ADAMTS9: variants seen among roughly 807,000 people sequenced by gnomAD.
ADAMTS9 encodes the protein ADAM metallopeptidase with thrombospondin type 1 motif 9, also known as A disintegrin and metalloproteinase with thrombospondin motifs 9.
In ADAMTS9, 107 loss-of-function variants were observed where a neutral mutation model predicts 257.1. That is an observed-to-expected ratio of 0.42 (90% CI 0.36 to 0.49). The LOEUF (loss-of-function observed/expected upper bound fraction) is 0.49, where lower values mean the gene tolerates loss of function less well. ADAMTS9 is among the 20% of genes least tolerant of loss of function. The pLI is 0.03. For synonymous variants in ADAMTS9, 982 were observed against 880.9 expected (o/e 1.11, Z -2.03); for missense variants, 2,353 against 2,469.1 (o/e 0.95, Z 1.00).
At chr3:64,650,936 C>T (rs2106946431) in intron 9 of ADAMTS9, 81 bp downstream of exon 9, 2 of 1,285,794 alleles carry the variant, frequency 1.6e-6, no homozygotes, top group Non-Finnish European at 2.1e-6. Context: ...TGTTTGACTT[C>T]ATATTGTCTT....
At chr3:64,557,965 C>A (rs1318502938) in intron 30 of ADAMTS9, among the ~76,000 whole-genome samples, 1 of 152,176 alleles carries the variant, frequency 6.6e-6, no homozygotes, top group Non-Finnish European at 1.5e-5. Context: ...ATGGGCTTCA[C>A]AATGAACAGG....
intron 28 of ADAMTS9, among the ~76,000 whole-genome samples, chr3:64,585,239 C>A (rs922674119): frequency 6.6e-6 from 1 of 152,136 alleles, no homozygotes; most frequent in African/African-American, 2.4e-5. Context: ...AAAAAGGAAG[C>A]AAACACAGTC....
intron 16 of ADAMTS9, among the ~76,000 whole-genome samples, chr3:64,623,764 A>G (rs1187975748): frequency 6.6e-6 from 1 of 152,208 alleles, no homozygotes; most frequent in South Asian, 2.1e-4. Context: ...ACAAGAATGT[A>G]AGACCCATGA....
intron 3 of ADAMTS9, among the ~76,000 whole-genome samples, chr3:64,667,998 G>T (rs1422409565): frequency 1.3e-5 from 2 of 152,146 alleles, no homozygotes; most frequent in Non-Finnish European, 2.9e-5. Context: ...TTAATATCCT[G>T]CAAAGTACCC....
At chr3:64,629,613 G>A (rs1011671099) in intron 16 of ADAMTS9, among the ~76,000 whole-genome samples, 1 of 152,200 alleles carries the variant, frequency 6.6e-6, no homozygotes, top group Non-Finnish European at 1.5e-5. Context: ...AGGCTGCTCT[G>A]ATTTCTAGCA....
At chr3:64,676,218 C>T (rs1182833772) in intron 3 of ADAMTS9, among the ~76,000 whole-genome samples, 1 of 152,134 alleles carries the variant, frequency 6.6e-6, no homozygotes, top group Non-Finnish European at 1.5e-5. Context: ...CGATAATCTC[C>T]ACTTCTAAGG....
intron 10 of ADAMTS9, among the ~76,000 whole-genome samples, chr3:64,648,774 TAGA>T (rs1700859679): frequency 1.3e-5 from 2 of 152,184 alleles, no homozygotes; most frequent in Non-Finnish European, 2.9e-5. Context: ...TTCCCAGATG[TAGA>T]TCATTTTCAA....
Position 64,686,899 on chromosome 3 carries a change from G to C in ADAMTS9, c.185C>G (p.Pro62Arg), listed in dbSNP as rs943578279. The change falls in exon 2 of 40, where the codon CCC (proline) becomes CGC (arginine). Residue 62 changes from proline to arginine, a missense_variant. Pro to Arg is a moderately radical substitution (Grantham distance 103). Around this residue, in one of 3 missense-constraint regions of ADAMTS9, gnomAD observed 591 missense variants for 569.6 expected, o/e 1.04. Transcript: ENST00000498707. This position sits in a 1 kb window ranked among gnomAD's most constrained non-coding sequence, Gnocchi z 4.6. ...TTTGAAGTGGACGTTCGTGGGAAAG[G>C]GTTCTCCGAGAGCGTTCACTCGGAT... is the stretch of plus-strand genomic sequence containing the variant. ...SPIRVNALGE[P>R]FPTNVHFKRT... The C allele has an allele frequency of 4.3e-6, 7 of 1,614,054 alleles. No homozygotes were observed. Among genetic ancestry groups the C allele is most frequent in the African/African-American group, 4.0e-5 (3 of 74,912 alleles).
At chr3:64,536,699 C>T (rs181928838) in intron 37 of ADAMTS9, among the ~76,000 whole-genome samples, 1 of 152,158 alleles carries the variant, frequency 6.6e-6, no homozygotes, top group East Asian at 1.9e-4. Context: ...TCATAGAATA[C>T]TGTGGTGATT....
intron 3 of ADAMTS9, among the ~76,000 whole-genome samples, chr3:64,680,473 G>A (rs1701725144): frequency 6.6e-6 from 1 of 152,184 alleles, no homozygotes; most frequent in Non-Finnish European, 1.5e-5. Context: ...CTGAGGCAGT[G>A]AAGTGTTGCT....
rs758827703 is a variant in ADAMTS9, at chr3:64,621,168, C to T, written c.2759G>A (p.Arg920Gln). Residue 920 changes from arginine to glutamine, a missense_variant, in exon 19 of 40, where the codon CGG becomes CAG. Transcript: ENST00000498707. ...QLTVSDQRCD[R>Q]LPQPGHITEP... Reference sequence around the variant, plus strand: ...AGTAATGTGTCCAGGCTGGGGCAGCCGATCGCATCTTTGATCAGAAACAGT... The same window carrying T: ...AGTAATGTGTCCAGGCTGGGGCAGCTGATCGCATCTTTGATCAGAAACAGT... 1.4e-5 allele frequency: 22 copies of T among 1,613,764 alleles called. No homozygotes were observed. Among genetic ancestry groups the T allele is most frequent in the South Asian group, 4.4e-5 (4 of 91,068 alleles).
intron 30 of ADAMTS9, among the ~76,000 whole-genome samples, chr3:64,551,646 C>T (rs181169629): frequency 6.6e-4 from 100 of 152,308 alleles, no homozygotes; most frequent in African/African-American, 2.3e-3. Flanking sequence ...TTACTTCAAA[C>T]ACCTACTCAC....
Position 64,515,658 on chromosome 3 carries a change from G to T in ADAMTS9, c.*1469C>A, listed in dbSNP as rs138688588. 5.3e-5 allele frequency: 8 copies of T among 152,120 alleles called. No individual in the cohort carries two copies. Among genetic ancestry groups the T allele is most frequent in the Admixed American group, 4.6e-4 (7 of 15,280 alleles). 9.4% of individuals were successfully genotyped at this position (152,120 alleles called of 1,614,324 possible). On this transcript the variant is annotated 3_prime_UTR_variant, in exon 40 of 40. Coordinates refer to ENST00000498707, the MANE Select transcript of ADAMTS9 (RefSeq NM_182920.2). ...AACTATGCGAAACACAAATGGTTTG[G>T]GTGTGGTGATGTATTTATTCATAAT...
rs184230124 is a variant in ADAMTS9 at position 64,599,998 on chromosome 3, C to T, written c.4017+1946G>A. 2.8e-3 allele frequency among the ~76,000 whole-genome samples: 416 copies of T among 150,270 alleles called. 2 individuals carry two copies. Among genetic ancestry groups the T allele is most frequent in the African/African-American group, 9.4e-3 (387 of 41,030 alleles). On this transcript the variant is annotated intron_variant, in intron 26 of 39. Transcript: ENST00000498707. The stretch of plus-strand genomic sequence containing the variant: ...GATGCTCTGGTCCCTGTCCCTACTG[C>T]GGCTAAATGAACAGCTTTGTTTGTT...
At chr3:64,528,711 C>T (rs1209647972) in intron 38 of ADAMTS9, among the ~76,000 whole-genome samples, 4 of 152,168 alleles carry the variant, frequency 2.6e-5, no homozygotes, top group Non-Finnish European at 5.9e-5. Flanking sequence ...GCTATGAAAA[C>T]GTTATAACAT....
Position 64,649,751 on chromosome 3 carries a change from G to A in ADAMTS9, c.1491C>T (p.Asn497=), listed in dbSNP as rs370623119. The stretch of plus-strand genomic sequence containing the variant: ...AAGGGTAGGGTCTGGATTCAGGTTC[G>A]TTAAGCAAACACTCGCCATAACCAG... The part of the protein sequence containing the change: ...LDTGYGECLL[N]EPESRPYPLP... Residue 497 remains asparagine (N), a synonymous_variant, in exon 10 of 40, where the codon AAC becomes AAT. Transcript: ENST00000498707. The A allele has an allele frequency of 4.6e-5, 74 of 1,613,716 alleles. No homozygotes were observed. The highest frequency in any genetic ancestry group is 5.6e-5 in the Non-Finnish European group (66 of 1,179,922).
chr3:64,577,040 A>T (rs1476277588), intron 28 of ADAMTS9, among the ~76,000 whole-genome samples: 1 of 152,198 alleles, frequency 6.6e-6, no homozygotes, highest in African/African-American at 2.4e-5. Flanking sequence ...ATAAATTTTA[A>T]CATTAAATAT....
chr3:64,540,391 ACTC>A (rs1458828704), intron 36 of ADAMTS9, among the ~76,000 whole-genome samples: 2 of 151,964 alleles, frequency 1.3e-5, no homozygotes, highest in Non-Finnish European at 2.9e-5. Flanking sequence ...GTCTTTAACC[ACTC>A]CTATGATTAA....
chr3:64,520,174 A>G (rs1334733522), intron 39 of ADAMTS9, among the ~76,000 whole-genome samples: 2 of 152,198 alleles, frequency 1.3e-5, no homozygotes, highest in Admixed American at 1.3e-4. Flanking sequence ...AACCAAATCA[A>G]GAATGCAATC....
Sources: allele counts gnomAD v4.1 joint callset (sites outside exome capture counted in the v4.1 genomes callset), GRCh38; gene constraint gnomAD v4.1.1; regional missense constraint gnomAD v4.1.1; non-coding constraint Gnocchi (gnomAD v3.1); transcripts MANE v1.5; gene names NCBI Gene and HGNC (gene_info 2026-07-23, HGNC 2026-07-21).